Variants in WDFY3 observed in about 807,000 individuals in gnomAD.
WDFY3 encodes the protein WD repeat and FYVE domain-containing protein 3.
A neutral mutation model predicts 409.6 loss-of-function variants in WDFY3; 66 were observed. The observed-to-expected ratio is 0.16, with a 90% CI of 0.13 to 0.20. The LOEUF is 0.20. Ranked by LOEUF, WDFY3 falls within the 10% of genes least tolerant of loss-of-function variation. The probability of loss-of-function intolerance (pLI) is 1.00; values close to 1 mark genes in which losing one functional copy is unlikely to be tolerated. For missense variants in WDFY3, 3,031 were observed against 4,298.1 expected (o/e 0.71, Z 8.24); for synonymous variants, 1,521 against 1,537.1 (o/e 0.99, Z 0.25).
chr4:84,705,748 TTA>T (rs1731823891), intron 53 of WDFY3, among the ~76,000 whole-genome samples: 1 of 152,098 alleles, frequency 6.6e-6, no homozygotes, highest in South Asian at 2.1e-4. Context: ...GCTTTGGAAA[TTA>T]TATGTTTCAC....
At chr4:84,812,097 G>A (rs1240951986) in intron 13 of WDFY3, among the ~76,000 whole-genome samples, 1 of 152,022 alleles carries the variant, frequency 6.6e-6, no homozygotes, top group Admixed American at 6.6e-5. Flanking sequence ...GACATATACT[G>A]TTTCAGAAGT....
At chr4:84,811,560 C>T (rs1384902911) in intron 13 of WDFY3, among the ~76,000 whole-genome samples, 1 of 152,174 alleles carries the variant, frequency 6.6e-6, no homozygotes, top group Non-Finnish European at 1.5e-5. Context: ...CCTACTCCTG[C>T]ACTTAATCAT....
At chr4:84,784,652 A>T (rs1336668739) in intron 24 of WDFY3, among the ~76,000 whole-genome samples, 1 of 151,608 alleles carries the variant, frequency 6.6e-6, no homozygotes, top group Non-Finnish European at 1.5e-5. Context: ...AGCCTGGCCA[A>T]CATGGTGAAA....
At chr4:84,837,899 C>T (rs1301827979) in intron 6 of WDFY3, among the ~76,000 whole-genome samples, 1 of 152,152 alleles carries the variant, frequency 6.6e-6, no homozygotes, top group East Asian at 1.9e-4. Context: ...GACGAAGCAT[C>T]TCTGTCCTTC....
intron 2 of WDFY3, among the ~76,000 whole-genome samples, chr4:84,928,039 A>G (rs1173256637): frequency 1.3e-5 from 2 of 152,192 alleles, no homozygotes; most frequent in Non-Finnish European, 2.9e-5. Context: ...GGAGATTGAC[A>G]TTTCAGTCAG....
chr4:84,958,843 T>C (rs1009085219), intron 1 of WDFY3, among the ~76,000 whole-genome samples: 3 of 152,222 alleles, frequency 2.0e-5, no homozygotes, highest in African/African-American at 7.2e-5. Flanking sequence ...CTCTCAGTCC[T>C]ACAATTCTCA....
In WDFY3 at chr4:84,702,359, C is replaced by A; in HGVS notation, c.8590G>T (p.Asp2864Tyr). Residue 2864 changes from aspartate to tyrosine, a missense_variant, in exon 56 of 68, where the codon GAT (aspartate) becomes TAT (tyrosine). Transcript: ENST00000295888. Reference sequence around the variant, plus strand: ...GTGCCATAGCTCTACGTACCTAGATCAAAGTTGTTGGAATTGAACAGGAAT... The same window carrying A: ...GTGCCATAGCTCTACGTACCTAGATAAAAGTTGTTGGAATTGAACAGGAAT... Reference protein sequence around the residue: ...PEFLFNSNNFDLGCKQNGTKL... With the variant: ...PEFLFNSNNFYLGCKQNGTKL... The A allele has an allele frequency of 6.2e-7, 1 of 1,607,020 alleles. No homozygotes were observed. The highest frequency in any genetic ancestry group is 8.5e-7 in the Non-Finnish European group (1 of 1,177,144).
At chr4:84,937,176 T>C (rs6848127) in intron 1 of WDFY3, among the ~76,000 whole-genome samples, 104,973 of 152,006 alleles carry the variant, frequency 0.69, 38,098 homozygotes, top group African/African-American at 0.92. Context: ...ATCACTGAAA[T>C]TCAAGGTCAT....
intron 27 of WDFY3, among the ~76,000 whole-genome samples, chr4:84,776,743 A>C (rs1359895866): frequency 6.6e-6 from 1 of 152,124 alleles, no homozygotes; most frequent in Non-Finnish European, 1.5e-5. Context: ...ATACTCAGCA[A>C]GTGCTTTCTA....
chr4:84,814,327 G>A (rs1359027581), intron 13 of WDFY3, among the ~76,000 whole-genome samples: 5 of 152,112 alleles, frequency 3.3e-5, no homozygotes, highest in Admixed American at 2.6e-4. Context: ...CCTAGAGTCC[G>A]TTTCCTTTAT....
At chr4:84,864,298 C>T (rs902697125) in intron 3 of WDFY3, among the ~76,000 whole-genome samples, 7 of 136,550 alleles carry the variant, frequency 5.1e-5, no homozygotes, top group African/African-American at 2.0e-4. Flanking sequence ...GCCTGCGAAG[C>T]GGAGTTGCAG....
At chr4:84,865,274 T>A (rs1324549177) in intron 3 of WDFY3, among the ~76,000 whole-genome samples, 3 of 152,166 alleles carry the variant, frequency 2.0e-5, no homozygotes, top group African/African-American at 7.2e-5. Context: ...TATTGCAATA[T>A]GGTTATTTAA....
In WDFY3 at chr4:84,726,867, A is replaced by C. The variant is rs369813112; in HGVS notation, c.7266T>G (p.Pro2422=). Reference sequence around the variant, plus strand: ...ACTGTAATTTGTGTTTTACCTTTTGAGGAATATCATCGGGTGTCTCAGGCT... The same window carrying C: ...ACTGTAATTTGTGTTTTACCTTTTGCGGAATATCATCGGGTGTCTCAGGCT... ...SKQPETPDDI[P]QKKPARYRRA... The change falls in exon 45 of 68, where the codon CCT becomes CCG. Residue 2422 remains proline (P), a synonymous_variant. Coordinates refer to ENST00000295888, the MANE Select transcript of WDFY3 (RefSeq NM_014991.6). 5 of 1,607,520 alleles carry C rather than the reference A, an allele frequency of 3.1e-6. No individual in the cohort carries two copies. The highest frequency in any genetic ancestry group is 1.7e-6 in the Non-Finnish European group (2 of 1,177,966).
chr4:84,690,989 G>T (rs1729168691), intron 60 of WDFY3, among the ~76,000 whole-genome samples: 1 of 152,200 alleles, frequency 6.6e-6, no homozygotes, highest in Non-Finnish European at 1.5e-5. Flanking sequence ...GCAAAAGGAT[G>T]CATTTGCTGT....
intron 35 of WDFY3, 46 bp from the exon 36 acceptor site, chr4:84,751,762 A>G: frequency 6.3e-7 from 1 of 1,594,000 alleles, no homozygotes; most frequent in Non-Finnish European, 8.6e-7. Context: ...TTAGACTCTG[A>G]CATTTTTACT....
intron 53 of WDFY3, among the ~76,000 whole-genome samples, chr4:84,705,940 G>A (rs1251925872): frequency 6.4e-5 from 5 of 78,100 alleles, no homozygotes; most frequent in African/African-American, 2.0e-4. Flanking sequence ...CTCCACCCCC[G>A]CCCTGTCTCC....
Position 84,774,812 on chromosome 4 carries a change from T to C in WDFY3, c.4754+8A>G. The C allele has an allele frequency of 2.5e-6, 4 of 1,584,156 alleles. No individual in the cohort carries two copies. Among genetic ancestry groups the C allele is most frequent in the Non-Finnish European group, 3.4e-6 (4 of 1,171,450 alleles). ...ATAAAAAGACAAAGACAAAGAAGTT[T>C]TTCCTACCTGAGCAGATCATTGCTG... On this transcript the variant is annotated splice_region_variant and intron_variant, in intron 29 of 67. Transcript: ENST00000295888.
intron 6 of WDFY3, among the ~76,000 whole-genome samples, chr4:84,838,546 G>A (rs1368008243): frequency 6.6e-6 from 1 of 152,102 alleles, no homozygotes; most frequent in East Asian, 1.9e-4. Context: ...AGGGTAATTG[G>A]GAAACTAACC....
At chr4:84,778,836 A>G (rs1283716427) in intron 26 of WDFY3, among the ~76,000 whole-genome samples, 181 bp from the exon 27 acceptor site, 1 of 152,178 alleles carries the variant, frequency 6.6e-6, no homozygotes, top group Non-Finnish European at 1.5e-5. Context: ...TTTTATTATG[A>G]AAATATAACA....
Sources: allele counts gnomAD v4.1 joint callset (sites outside exome capture counted in the v4.1 genomes callset), GRCh38; gene constraint gnomAD v4.1.1; transcripts MANE v1.5; gene names NCBI Gene and HGNC (gene_info 2026-07-23, HGNC 2026-07-21).